Variants in CGNL1 observed in about 807,000 individuals in gnomAD.
The protein encoded by CGNL1 is cingulin-like protein 1.
CGNL1 carries 132 observed loss-of-function variants against 141.2 expected under a neutral mutation model. That is an observed-to-expected ratio of 0.93 (90% CI 0.81 to 1.08). CGNL1 has a LOEUF of 1.08. Among genes scored for constraint, CGNL1 ranks in the 50% least tolerant of loss-of-function variants. CGNL1 has a pLI of 0.00. For synonymous variants in CGNL1, 690 were observed against 622.1 expected (o/e 1.11, Z -1.63); for missense variants, 1,870 against 1,588.6 (o/e 1.18, Z -3.01).
chr15:57,516,719 CA>C, intron 8 of CGNL1, 60 bp from the exon 9 acceptor site: 1 of 1,541,634 alleles, frequency 6.5e-7, no homozygotes, highest in Non-Finnish European at 8.9e-7. Context: ...GCCATTCTTC[CA>C]GCCTGGGGAC....
chr15:57,452,503 C>G (rs560921587), intron 6 of CGNL1, among the ~76,000 whole-genome samples: 1 of 152,152 alleles, frequency 6.6e-6, no homozygotes, highest in Non-Finnish European at 1.5e-5. Context: ...ATTCTTTGTG[C>G]ACCTTGAAGT....
At chr15:57,509,242 C>T (rs1396970106) in intron 8 of CGNL1, among the ~76,000 whole-genome samples, 2 of 152,150 alleles carry the variant, frequency 1.3e-5, no homozygotes, top group Admixed American at 6.5e-5. Flanking sequence ...CACACTGGAG[C>T]GTGGGGGTGG....
At chr15:57,426,001 G>A (rs2062968570) in intron 1 of CGNL1, among the ~76,000 whole-genome samples, 1 of 151,992 alleles carries the variant, frequency 6.6e-6, no homozygotes, top group South Asian at 2.1e-4. Context: ...TCTAGGGCCT[G>A]GCTTAGGAAG....
intron 1 of CGNL1, among the ~76,000 whole-genome samples, chr15:57,400,440 T>C (rs1237926437): frequency 6.6e-6 from 1 of 152,204 alleles, no homozygotes; most frequent in Non-Finnish European, 1.5e-5. Flanking sequence ...TGAAGGAGGC[T>C]GAGTTTGAAT....
In CGNL1 at chr15:57,409,037, T is replaced by TCTCACACA. The variant is rs143760210; in HGVS notation, c.-15-28947_-15-28946insTCACACAC. 2.6e-3 allele frequency among the ~76,000 whole-genome samples: 371 copies of TCTCACACA among 141,834 alleles called. 4 individuals are homozygous for TCTCACACA. The highest frequency in any genetic ancestry group is 9.4e-3 in the African/African-American group (356 of 37,824). The allele number at this position is 141,834 out of a possible 152,430, so 93.0% of individuals were successfully genotyped here. A position where few individuals can be genotyped will look rare whatever the true frequency, so the allele number is the denominator to read the frequency against. On this transcript the variant is annotated intron_variant, in intron 1 of 18. Coordinates refer to ENST00000281282, the MANE Select transcript of CGNL1 (RefSeq NM_032866.5). ...GCCTGGGTGAGACAGTGAGACTCTGTCACACACACACACACACACACACAC... is the reference window on the plus strand; with the variant it reads ...GCCTGGGTGAGACAGTGAGACTCTGTCTCACACACACACACACACACACACACACACAC...
chr15:57,500,687 A>G (rs1001381082), intron 8 of CGNL1, among the ~76,000 whole-genome samples: 7 of 152,180 alleles, frequency 4.6e-5, no homozygotes, highest in African/African-American at 1.4e-4. Flanking sequence ...CAGTTCACCC[A>G]TTCCTCTGAA....
chr15:57,461,524 G>A (rs1316926375), intron 7 of CGNL1, among the ~76,000 whole-genome samples, 156 bp from the exon 8 acceptor site: 1 of 152,164 alleles, frequency 6.6e-6, no homozygotes, highest in Non-Finnish European at 1.5e-5. Context: ...GGGAGAGGAA[G>A]AAATGGTCTA....
intron 8 of CGNL1, among the ~76,000 whole-genome samples, chr15:57,490,182 A>C (rs773338361): frequency 7.9e-5 from 12 of 152,192 alleles, no homozygotes; most frequent in Non-Finnish European, 1.6e-4. Flanking sequence ...TTACTCTGCT[A>C]TTAAAAAGCT....
In CGNL1 at chr15:57,438,435, C is replaced by G; in HGVS notation, c.436C>G (p.Gln146Glu). The G allele has an allele frequency of 1.2e-6, 2 of 1,614,198 alleles. No homozygotes were observed. The highest frequency in any genetic ancestry group is 1.7e-6 in the Non-Finnish European group (2 of 1,180,040). Residue 146 changes from glutamine (Q) to glutamate (E), a missense_variant, in exon 2 of 19, where the codon CAG (glutamine) becomes GAG (glutamate). Coordinates refer to ENST00000281282, the MANE Select transcript of CGNL1 (RefSeq NM_032866.5). ...GAAGCCATCTCACCTGCTGAACTTT[C>G]AGAGGCATCCAGAGCTTTTGCAACC... ...SVKPSHLLNFQRHPELLQPYD... is the reference protein window; with the variant it reads ...SVKPSHLLNFERHPELLQPYD...
At chr15:57,429,509 A>G (rs971106447) in intron 1 of CGNL1, among the ~76,000 whole-genome samples, 2 of 152,220 alleles carry the variant, frequency 1.3e-5, no homozygotes, top group Admixed American at 6.5e-5. Context: ...TGTAGCACAA[A>G]CGGTGTGGAT....
chr15:57,387,232 T>A (rs912347221), intron 1 of CGNL1, among the ~76,000 whole-genome samples: 1 of 152,240 alleles, frequency 6.6e-6, no homozygotes, highest in Admixed American at 6.5e-5. Flanking sequence ...CTTAGCATAA[T>A]GTTTTCAAGG....
In CGNL1 at chr15:57,528,696, C is replaced by T; in HGVS notation, c.3082C>T (p.Gln1028Ter). The change falls in exon 13 of 19, where the codon CAG (glutamine) becomes TAG (stop). Residue 1028 changes from glutamine to a stop codon, truncating the protein, a stop_gained. Coordinates refer to ENST00000281282, the MANE Select transcript of CGNL1 (RefSeq NM_032866.5). LOFTEE classifies it high-confidence loss of function. ...EEELRDYQRA[Q>*]DEALTKRQLL... is the part of the protein sequence containing the mutation. Reference sequence around the variant, plus strand: ...AGAGTTACGGGACTACCAGAGAGCTCAGGATGAAGCACTCACAAAAAGGCA... The same window carrying T: ...AGAGTTACGGGACTACCAGAGAGCTTAGGATGAAGCACTCACAAAAAGGCA... 1 of 1,614,074 alleles carries T rather than the reference C, an allele frequency of 6.2e-7. No individual in the cohort carries two copies. The highest frequency in any genetic ancestry group is 8.5e-7 in the Non-Finnish European group (1 of 1,180,002).
intron 1 of CGNL1, among the ~76,000 whole-genome samples, chr15:57,392,578 T>C (rs2062555149): frequency 1.3e-5 from 2 of 152,238 alleles, no homozygotes; most frequent in South Asian, 4.1e-4. Context: ...TGTCATTTCC[T>C]ACCTTTTCCT....
At chr15:57,532,447 A>G (rs1321657049) in intron 14 of CGNL1, among the ~76,000 whole-genome samples, 1 of 152,118 alleles carries the variant, frequency 6.6e-6, no homozygotes, top group Non-Finnish European at 1.5e-5. Flanking sequence ...GCCCCTCTGA[A>G]CCTTCACTTA....
At chr15:57,534,323 C>T (rs142566541) in intron 14 of CGNL1, among the ~76,000 whole-genome samples, 1 of 152,166 alleles carries the variant, frequency 6.6e-6, no homozygotes, top group African/African-American at 2.4e-5. Flanking sequence ...TTCACATGGA[C>T]GTAGGAATTG....
In CGNL1 at chr15:57,546,071, T is replaced by C. The variant is rs1402550894; in HGVS notation, c.3610-5T>C. 1.2e-6 allele frequency: 2 copies of C among 1,611,632 alleles called. No homozygotes were observed. Among genetic ancestry groups the C allele is most frequent in the Admixed American group, 1.7e-5 (1 of 59,972 alleles). ...GCACTCAGCCCACATTCTCTCCCGG[T>C]GCAGCTGAGCTTGCGTTTGAAAGCC... is the stretch of plus-strand genomic sequence containing the variant. On this transcript the variant is annotated splice_polypyrimidine_tract_variant and splice_region_variant and intron_variant, in intron 17 of 18. Transcript: ENST00000281282.
intron 8 of CGNL1, among the ~76,000 whole-genome samples, chr15:57,516,158 CAAAAAAAAAAAA>C (rs10559176): frequency 6.0e-4 from 44 of 73,286 alleles, no homozygotes; most frequent in Non-Finnish European, 3.6e-4. Flanking sequence ...GACTCTGTCT[CAAAAAAAAAAAA>C]AAAAAAAAAA....
chr15:57,491,919 C>G (rs1054990861), intron 8 of CGNL1, among the ~76,000 whole-genome samples: 1 of 152,098 alleles, frequency 6.6e-6, no homozygotes, highest in East Asian at 1.9e-4. Context: ...GAAACTGTTA[C>G]GGTCATCAAA....
chr15:57,453,953 T>C (rs1017571454), intron 7 of CGNL1, 135 bp downstream of exon 7: 31 of 933,470 alleles, frequency 3.3e-5, no homozygotes, highest in Non-Finnish European at 4.9e-5. Flanking sequence ...GATCTGTGAG[T>C]CAGTGGATGC....
Sources: gnomAD v4.1 joint callset for allele counts (sites outside exome capture counted in the v4.1 genomes callset) on GRCh38, gnomAD v4.1.1 for gene constraint, MANE v1.5 for transcripts, NCBI Gene and HGNC (gene_info 2026-07-23, HGNC 2026-07-21) for gene names.